Variants in PBRM1 observed in about 807,000 individuals in gnomAD.
PBRM1 encodes the protein protein polybromo-1.
Under a neutral mutation model 194.5 loss-of-function variants are expected in PBRM1, and 27 were observed. The observed-to-expected ratio is 0.14, with a 90% CI of 0.10 to 0.19. The LOEUF is 0.19. Ranked by LOEUF, PBRM1 falls within the 10% of genes least tolerant of loss-of-function variation. The pLI, the probability that PBRM1 is intolerant of heterozygous loss-of-function variation, is 1.00. For synonymous variants in PBRM1, 655 were observed against 693.2 expected, an observed-to-expected ratio of 0.94 and a Z score of 0.87; for missense variants, 1,466 against 2,077.2, an observed-to-expected ratio of 0.71 and a Z score of 5.72.
Position 52,554,860 on chromosome 3 carries a change from CGGA to C in PBRM1, c.4470_4472del (p.Tyr1490_Pro1491delinsTer). On this transcript the variant is annotated stop_gained and inframe_deletion, in exon 27 of 30. Transcript: ENST00000296302. LOFTEE classifies it high-confidence loss of function. ...GGCCCTGCAAAGGTGGAAGGCCTGG[CGGA>C]TAGCCACCCATCATGCCTTGAAGGA... The C allele has an allele frequency of 6.2e-7, 1 of 1,606,586 alleles. No homozygotes were observed. Among genetic ancestry groups the C allele is most frequent in the Non-Finnish European group, 8.5e-7 (1 of 1,177,528 alleles).
At chr3:52,648,296 TCTA>T in intron 7 of PBRM1, 45 bp downstream of exon 8, 1 of 1,020,270 alleles carries the variant, frequency 9.8e-7, no homozygotes. Flanking sequence ...CCTTAAATTA[TCTA>T]CTATTACCAA....
intron 17 of PBRM1, among the ~76,000 whole-genome samples, chr3:52,600,700 G>A (rs764284405): frequency 6.6e-5 from 10 of 152,138 alleles, no homozygotes; most frequent in Non-Finnish European, 8.8e-5. Flanking sequence ...GTGCAATGGC[G>A]CGATCTTAGC....
intron 22 of PBRM1, among the ~76,000 whole-genome samples, chr3:52,571,601 G>A (rs1000325542): frequency 2.3e-5 from 3 of 131,854 alleles, no homozygotes; most frequent in African/African-American, 5.9e-5. Context: ...ACTCCAGCCT[G>A]GGCAACAAGA....
chr3:52,605,605 T>C (rs563350340), intron 16 of PBRM1, among the ~76,000 whole-genome samples: 142 of 145,652 alleles, frequency 9.7e-4, no homozygotes, highest in South Asian at 3.0e-3. Context: ...GAAAGTCTCT[T>C]TTTTTTTTTT....
At chr3:52,625,357 T>C (rs908824239) in intron 13 of PBRM1, among the ~76,000 whole-genome samples, 5 of 152,212 alleles carry the variant, frequency 3.3e-5, no homozygotes, top group African/African-American at 9.6e-5. Context: ...TCCTTTTTCA[T>C]AGTCCAAAGT....
At chr3:52,578,242 T>C (rs1308109295) in intron 21 of PBRM1, among the ~76,000 whole-genome samples, 1 of 152,238 alleles carries the variant, frequency 6.6e-6, no homozygotes, top group African/African-American at 2.4e-5. Flanking sequence ...GCACGTATCA[T>C]GACCTAACAT....
chr3:52,643,673 TTCAAGA>T (rs1553847348), intron 8 of PBRM1, among the ~76,000 whole-genome samples: 1 of 152,092 alleles, frequency 6.6e-6, no homozygotes, highest in Non-Finnish European at 1.5e-5. Flanking sequence ...CTAAGACTAG[TTCAAGA>T]TCACAGTCCT....
chr3:52,650,076 T>C (rs1431362079), intron 6 of PBRM1, among the ~76,000 whole-genome samples: 1 of 152,182 alleles, frequency 6.6e-6, no homozygotes, highest in Non-Finnish European at 1.5e-5. Context: ...AAAAACCTGA[T>C]GAGGCCTGGC....
At chr3:52,606,636 G>C (rs1484879874) in intron 16 of PBRM1, among the ~76,000 whole-genome samples, 3 of 152,072 alleles carry the variant, frequency 2.0e-5, no homozygotes, top group Non-Finnish European at 4.4e-5. Flanking sequence ...GAATGTGCAG[G>C]AACATAAACG....
intron 5 of PBRM1, among the ~76,000 whole-genome samples, chr3:52,655,876 C>T (rs1397236818): frequency 6.6e-6 from 1 of 152,176 alleles, no homozygotes; most frequent in Non-Finnish European, 1.5e-5. Context: ...TCTATGACCA[C>T]CCAGCATGGG....
chr3:52,653,051 G>T (rs1486842029), intron 5 of PBRM1, among the ~76,000 whole-genome samples: 2 of 152,034 alleles, frequency 1.3e-5, no homozygotes, highest in Non-Finnish European at 2.9e-5. Flanking sequence ...TTCATTTAAG[G>T]TCCCAAGATA....
At position 52,554,782 on chromosome 3, in the gene PBRM1, C is replaced by T. The variant is rs967054156; in HGVS notation, c.4551G>A (p.Gly1517=). 2.5e-6 allele frequency: 4 copies of T among 1,583,854 alleles called. 1 individual carries two copies. Among genetic ancestry groups the T allele is most frequent in the Non-Finnish European group, 3.4e-6 (4 of 1,168,584 alleles). ...CTGGCGGAAGATGGTGGGGTGGAGGCCCCCCAGGGTGAAGTGGCTGCATGC... is the reference window on the plus strand; with the variant it reads ...CTGGCGGAAGATGGTGGGGTGGAGGTCCCCCAGGGTGAAGTGGCTGCATGC... Residue 1517 remains glycine, a synonymous_variant, in exon 27 of 30, where the codon GGG becomes GGA. Transcript: ENST00000296302.
chr3:52,607,948 C>A (rs963596556), intron 16 of PBRM1, among the ~76,000 whole-genome samples: 1 of 152,318 alleles, frequency 6.6e-6, no homozygotes, highest in East Asian at 1.9e-4. Context: ...TTCCTAACTC[C>A]ATTTCTTTGC....
chr3:52,545,685 C>G (rs1024027624), downstream of PBRM1: 4 of 232,976 alleles, frequency 1.7e-5, no homozygotes, highest in Non-Finnish European at 2.5e-5. Flanking sequence ...TGTTTTAAAC[C>G]TACAGGTTCC....
At chr3:52,608,184 G>A (rs1243608420) in intron 16 of PBRM1, among the ~76,000 whole-genome samples, 1 of 152,182 alleles carries the variant, frequency 6.6e-6, no homozygotes, top group East Asian at 1.9e-4. Flanking sequence ...CAGAGCTCAA[G>A]GCTTATCATC....
At chr3:52,551,376 C>G (rs2080953574) in intron 27 of PBRM1, among the ~76,000 whole-genome samples, 1 of 152,204 alleles carries the variant, frequency 6.6e-6, no homozygotes, top group African/African-American at 2.4e-5. Context: ...AGGGAGAGAA[C>G]ACTTCCATCT....
At chr3:52,575,739 C>T (rs2089388306) in intron 22 of PBRM1, among the ~76,000 whole-genome samples, 1 of 146,512 alleles carries the variant, frequency 6.8e-6, no homozygotes, top group East Asian at 2.0e-4. Context: ...TTCTCAAACT[C>T]TCGACCTTAG....
chr3:52,579,559 T>C (rs1027487773), intron 20 of PBRM1, among the ~76,000 whole-genome samples: 1 of 151,938 alleles, frequency 6.6e-6, no homozygotes, highest in Non-Finnish European at 1.5e-5. Flanking sequence ...GATCACGCCA[T>C]TGTACTCCAG....
At chr3:52,672,618 C>T (rs1273802172) in intron 2 of PBRM1, among the ~76,000 whole-genome samples, 1 of 151,626 alleles carries the variant, frequency 6.6e-6, no homozygotes, top group East Asian at 1.9e-4. Flanking sequence ...CCTCAGCCTC[C>T]CGAGTAGCTG....
Sources: allele counts gnomAD v4.1 joint callset (sites outside exome capture counted in the v4.1 genomes callset), GRCh38; gene constraint gnomAD v4.1.1; transcripts MANE v1.5; gene names NCBI Gene and HGNC (gene_info 2026-07-23, HGNC 2026-07-21).